Variants in AFG1L observed in about 807,000 individuals in gnomAD.
AFG1L encodes the protein AFG1 like ATPase.
AFG1L carries 53 observed loss-of-function variants against 62.2 expected under a neutral mutation model. The observed-to-expected ratio is 0.85, with a 90% confidence interval of 0.68 to 1.07. The LOEUF (loss-of-function observed/expected upper bound fraction) is 1.07. Among genes scored for constraint, AFG1L ranks in the 50% least tolerant of loss-of-function variants. The pLI, the probability that AFG1L is intolerant of heterozygous loss-of-function variation, is 0.00. For synonymous variants in AFG1L, 228 were observed against 210.3 expected (o/e 1.08, Z -0.73); for missense variants, 555 against 590.5 (o/e 0.94, Z 0.62).
rs191220170 is a variant in AFG1L, at chr6:108,433,292, T to A, written c.808-13922T>A. Reference sequence around the variant, plus strand: ...TATTGTTATTATTATTATTATTATTTTTTGAGAGACAGAGTCTTGCTCAGT... The same window carrying A: ...TATTGTTATTATTATTATTATTATTATTTGAGAGACAGAGTCTTGCTCAGT... On this transcript the variant is annotated intron_variant, in intron 7 of 12. Transcript: ENST00000368977. Among the ~76,000 whole-genome samples the A allele has an allele frequency of 3.8e-3, 521 of 138,238 alleles. 2 individuals are homozygous for A. The highest frequency in any genetic ancestry group is 0.013 in the African/African-American group (512 of 38,680). The allele number at this position is 138,238 out of a possible 152,430, so 90.7% of individuals were successfully genotyped here.
chr6:108,487,605 A>G (rs1409935807), intron 10 of AFG1L, among the ~76,000 whole-genome samples: 2 of 152,226 alleles, frequency 1.3e-5, no homozygotes, highest in Non-Finnish European at 2.9e-5. Flanking sequence ...AGTGCTCACT[A>G]GTTAACTACA....
chr6:108,369,529 A>G lies in AFG1L; in HGVS notation c.748+3197A>G, dbSNP rs1779902324. Among the ~76,000 whole-genome samples, 2 of 152,186 alleles carry G rather than the reference A, an allele frequency of 1.3e-5. 1 individual carries two copies. Among genetic ancestry groups the G allele is most frequent in the South Asian group, 4.1e-4 (2 of 4,834 alleles). On this transcript the variant is annotated intron_variant, in intron 6 of 12. Transcript: ENST00000368977. ...ACAGCAGCTCAAAGTACTGTATTAA[A>G]AAAAGGTGGGAGGGGGAGAAGAAAA... is the stretch of plus-strand genomic sequence containing the variant.
At chr6:108,381,399 T>C (rs1780511661) in intron 6 of AFG1L, among the ~76,000 whole-genome samples, 1 of 152,180 alleles carries the variant, frequency 6.6e-6, no homozygotes, top group Non-Finnish European at 1.5e-5. Context: ...GTTTTTACTT[T>C]TCAAAGATTC....
intron 6 of AFG1L, 24 bp from the exon 7 acceptor site, chr6:108,401,972 A>G: frequency 3.4e-6 from 4 of 1,166,346 alleles, no homozygotes; most frequent in Non-Finnish European, 5.0e-6. Context: ...TAAGCAAAAA[A>G]CTAATATCAT....
chr6:108,365,326 A>G (rs1383344030), intron 5 of AFG1L, among the ~76,000 whole-genome samples: 2 of 152,194 alleles, frequency 1.3e-5, no homozygotes, highest in Non-Finnish European at 2.9e-5. Context: ...AAAAAGTTAC[A>G]TCATTAAGCT....
chr6:108,304,754 G>T (rs1446620315), intron 1 of AFG1L, among the ~76,000 whole-genome samples: 2 of 152,026 alleles, frequency 1.3e-5, no homozygotes, highest in Non-Finnish European at 2.9e-5. Context: ...GTTCTTTTTG[G>T]CAACCCTCTT....
chr6:108,491,214 C>T lies in AFG1L; in HGVS notation c.1062+13922C>T, dbSNP rs550772369. ...AATATACATAAATCTACATCATAAACTTCTACATAGTTCTTAAAATCAAAC... is the reference window on the plus strand; with the variant it reads ...AATATACATAAATCTACATCATAAATTTCTACATAGTTCTTAAAATCAAAC... On this transcript the variant is annotated intron_variant, in intron 10 of 12. Transcript: ENST00000368977. Among the ~76,000 whole-genome samples the T allele has an allele frequency of 3.9e-5, 6 of 152,276 alleles. No individual in the cohort carries two copies. In the South Asian group the frequency reaches 1.2e-3, roughly 32 times the overall value.
intron 6 of AFG1L, among the ~76,000 whole-genome samples, 177 bp downstream of exon 6, chr6:108,366,509 G>C (rs1192570565): frequency 2.7e-5 from 4 of 150,690 alleles, no homozygotes. Context: ...GAAAAGTTTT[G>C]TATCCTTAGC....
intron 6 of AFG1L, among the ~76,000 whole-genome samples, chr6:108,381,075 C>G (rs1780491974): frequency 6.6e-6 from 1 of 152,214 alleles, no homozygotes; most frequent in African/African-American, 2.4e-5. Context: ...CTGAAAGCCG[C>G]TAATCCACCA....
chr6:108,327,618 C>T (rs1356930408), intron 2 of AFG1L, among the ~76,000 whole-genome samples: 1 of 152,212 alleles, frequency 6.6e-6, no homozygotes, highest in Non-Finnish European at 1.5e-5. Flanking sequence ...CTCATGACCT[C>T]ATCACCTTCC....
intron 7 of AFG1L, among the ~76,000 whole-genome samples, chr6:108,423,753 G>A (rs907472870): frequency 2.0e-5 from 3 of 151,990 alleles, no homozygotes; most frequent in Non-Finnish European, 2.9e-5. Context: ...ACTTATTAAT[G>A]TGTAATCAGA....
At chr6:108,385,686 G>A (rs1239639276) in intron 6 of AFG1L, among the ~76,000 whole-genome samples, 1 of 152,148 alleles carries the variant, frequency 6.6e-6, no homozygotes, top group African/African-American at 2.4e-5. Flanking sequence ...CTCCACAAGC[G>A]AGCTGGTCTC....
intron 8 of AFG1L, among the ~76,000 whole-genome samples, chr6:108,463,494 T>G (rs768319401): frequency 6.6e-6 from 1 of 151,856 alleles, no homozygotes; most frequent in Admixed American, 6.6e-5. Context: ...TCTACCAAGT[T>G]GCAATTCTAG....
rs190252784 is a variant in AFG1L, at chr6:108,306,618, T to C, written c.139+11400T>C. Reference sequence around the variant, plus strand: ...ATATTTCTCCCATTCATTCATTCATTTTCCAAGCACTTCTTGTTGCCACCC... The same window carrying C: ...ATATTTCTCCCATTCATTCATTCATCTTCCAAGCACTTCTTGTTGCCACCC... On this transcript the variant is annotated intron_variant, in intron 1 of 12. Transcript: ENST00000368977. Among the ~76,000 whole-genome samples the C allele has an allele frequency of 6.4e-3, 968 of 152,356 alleles. 4 individuals are homozygous for C. The highest frequency in any genetic ancestry group is 0.023 in the South Asian group (113 of 4,830).
chr6:108,383,711 TG>T lies in AFG1L; in HGVS notation c.748+17380del, dbSNP rs956872952. Among the ~76,000 whole-genome samples, 14 of 152,304 alleles carry T rather than the reference TG, an allele frequency of 9.2e-5. 1 individual carries two copies. The highest frequency in any genetic ancestry group is 3.4e-4 in the African/African-American group (14 of 41,568). On this transcript the variant is annotated intron_variant, in intron 6 of 12. Transcript: ENST00000368977. ...GATCTTGAGGGGCAGTGTCATCAGTTGTAACACTGGTAATTGGAGACAGATA... is the reference window on the plus strand; with the variant it reads ...GATCTTGAGGGGCAGTGTCATCAGTTTAACACTGGTAATTGGAGACAGATA...
At chr6:108,444,099 T>TCTATCTAG in intron 7 of AFG1L, among the ~76,000 whole-genome samples, 1 of 151,514 alleles carries the variant, frequency 6.6e-6, no homozygotes, top group African/African-American at 2.4e-5. Context: ...TATCTATCTA[T>TCTATCTAG]CTATATCTGC....
chr6:108,448,465 A>G (rs1771908528), intron 8 of AFG1L, among the ~76,000 whole-genome samples: 1 of 151,792 alleles, frequency 6.6e-6, no homozygotes, highest in South Asian at 2.1e-4. Context: ...TCTTTTTTTA[A>G]AGGAGGTAAT....
chr6:108,322,895 G>C (rs1777869188), intron 1 of AFG1L, among the ~76,000 whole-genome samples: 1 of 152,086 alleles, frequency 6.6e-6, no homozygotes, highest in Non-Finnish European at 1.5e-5. Flanking sequence ...ATTATGGTTG[G>C]ACCTCGCCAC....
At chr6:108,384,730 C>T (rs1027227825) in intron 6 of AFG1L, among the ~76,000 whole-genome samples, 7 of 151,884 alleles carry the variant, frequency 4.6e-5, no homozygotes, top group Non-Finnish European at 1.0e-4. Flanking sequence ...AGTGAAAAGA[C>T]AAGAAATCTC....
Sources: gnomAD v4.1 joint callset for allele counts (sites outside exome capture counted in the v4.1 genomes callset) on GRCh38, gnomAD v4.1.1 for gene constraint, MANE v1.5 for transcripts, NCBI Gene and HGNC (gene_info 2026-07-23, HGNC 2026-07-21) for gene names.